TEX14: variants seen among roughly 807,000 people sequenced by gnomAD.
The protein encoded by TEX14 is inactive serine/threonine-protein kinase TEX14.
Under a neutral mutation model 178.6 loss-of-function variants are expected in TEX14, and 168 were observed. The observed-to-expected ratio is 0.94, with a 90% CI of 0.83 to 1.07. TEX14 has a LOEUF of 1.07. TEX14 is among the 50% of genes least tolerant of loss of function. The probability of loss-of-function intolerance (pLI) is 0.00; values close to 1 mark genes in which losing one functional copy is unlikely to be tolerated. For synonymous variants in TEX14, 626 were observed against 634.1 expected (o/e 0.99, Z 0.19); for missense variants, 1,730 against 1,753.6 (o/e 0.99, Z 0.24).
chr17:58,575,291 T>C (rs1268074564), intron 21 of TEX14, among the ~76,000 whole-genome samples: 2 of 152,048 alleles, frequency 1.3e-5, no homozygotes, highest in African/African-American at 2.4e-5. Context: ...ATTTTCTGTA[T>C]TTTTAGTAGA....
Position 58,557,854 on chromosome 17 carries a change from G to T in TEX14, c.4268-4C>A. 6.2e-7 allele frequency: 1 copy of T among 1,610,118 alleles called. No individual in the cohort carries two copies. The highest frequency in any genetic ancestry group is 8.5e-7 in the Non-Finnish European group (1 of 1,177,462). On this transcript the variant is annotated splice_polypyrimidine_tract_variant and splice_region_variant and intron_variant, in intron 30 of 31. Transcript: ENST00000349033. ...CAAAAACAGGATTTTAGTTCATCTTGATGAAATATAAGAGGAAGGAAAAAA... is the reference window on the plus strand; with the variant it reads ...CAAAAACAGGATTTTAGTTCATCTTTATGAAATATAAGAGGAAGGAAAAAA...
At chr17:58,677,190 G>T (rs2047409869) in intron 1 of TEX14, among the ~76,000 whole-genome samples, 1 of 152,040 alleles carries the variant, frequency 6.6e-6, no homozygotes. Flanking sequence ...GGAAGGCTGA[G>T]GCAGAAGGAC....
At chr17:58,677,319 G>A (rs1287746827) in intron 1 of TEX14, among the ~76,000 whole-genome samples, 1 of 152,084 alleles carries the variant, frequency 6.6e-6, no homozygotes, top group Non-Finnish European at 1.5e-5. Flanking sequence ...AATCCTTCCT[G>A]AGTTTGATTT....
At chr17:58,669,088 A>T (rs1056998917) in intron 1 of TEX14, among the ~76,000 whole-genome samples, 1 of 152,210 alleles carries the variant, frequency 6.6e-6, no homozygotes, top group Admixed American at 6.6e-5. Flanking sequence ...ACAGTGGCTC[A>T]TGCCTATAAT....
chr17:58,674,982 C>T (rs921622134), intron 1 of TEX14, among the ~76,000 whole-genome samples: 1 of 151,558 alleles, frequency 6.6e-6, no homozygotes, highest in Non-Finnish European at 1.5e-5. Flanking sequence ...CCCATCTCTA[C>T]AAAAAACACA....
intron 2 of TEX14, among the ~76,000 whole-genome samples, chr17:58,650,433 A>C (rs1157828365): frequency 6.6e-6 from 1 of 152,270 alleles, no homozygotes; most frequent in East Asian, 1.9e-4. Flanking sequence ...TTGAGGGGAA[A>C]AAAAAACCCA....
At chr17:58,619,448 ACACGG>A (rs1382198567) in intron 5 of TEX14, among the ~76,000 whole-genome samples, 1 of 152,166 alleles carries the variant, frequency 6.6e-6, no homozygotes, top group African/African-American at 2.4e-5. Context: ...ATCTTATCTG[ACACGG>A]CACCACTCAC....
rs1457489525 is a variant in TEX14 at position 58,622,904 on chromosome 17, C to G, written c.360G>C (p.Glu120Asp). 4 of 1,613,306 alleles carry G rather than the reference C, an allele frequency of 2.5e-6. No homozygotes were observed. Among genetic ancestry groups the G allele is most frequent in the Non-Finnish European group, 3.4e-6 (4 of 1,179,492 alleles). Residue 120 changes from glutamate to aspartate, a missense_variant, in exon 4 of 32, where the codon GAG becomes GAC. Glu to Asp is a conservative substitution (Grantham distance 45). Around this residue, in one of 2 missense-constraint regions of TEX14, gnomAD observed 789 missense variants for 681.2 expected, o/e 1.16. Coordinates refer to ENST00000349033, the MANE Select transcript of TEX14 (RefSeq NM_031272.5). ...DAGGDLRLHD[E>D]RGQNPKTWAL... ...CCCAAGTCTTCGGGTTTTGACCCCT[C>G]TCATCGTGGAGTCGCAGGTCACCTC...
intron 3 of TEX14, among the ~76,000 whole-genome samples, 179 bp from the exon 4 acceptor site, chr17:58,623,191 C>CACAA (rs2046044066): frequency 6.6e-6 from 1 of 151,944 alleles, no homozygotes; most frequent in Admixed American, 6.6e-5. Context: ...TACACACACA[C>CACAA]ACACACACAC....
At chr17:58,678,823 T>TAATAATAAC (rs1382591469) in intron 1 of TEX14, among the ~76,000 whole-genome samples, 1 of 133,518 alleles carries the variant, frequency 7.5e-6, no homozygotes, top group Non-Finnish European at 1.5e-5. Flanking sequence ...TAAAGTATAA[T>TAATAATAAC]AATAATAATA....
chr17:58,622,044 C>T (rs2046010330), intron 4 of TEX14, among the ~76,000 whole-genome samples: 1 of 152,164 alleles, frequency 6.6e-6, no homozygotes. Context: ...GGTCCAAGGC[C>T]CAACAGCTTT....
At chr17:58,631,441 C>T (rs1383514729) in intron 2 of TEX14, among the ~76,000 whole-genome samples, 1 of 152,028 alleles carries the variant, frequency 6.6e-6, no homozygotes, top group Non-Finnish European at 1.5e-5. Context: ...AGAAAAAAGC[C>T]CCAGCTCAAA....
rs781602832 is a variant in TEX14, at chr17:58,556,978, C to T, written c.*33G>A. 64 of 1,596,552 alleles carry T rather than the reference C, an allele frequency of 4.0e-5. No individual in the cohort carries two copies. In the East Asian group the frequency reaches 1.4e-3, roughly 36 times the overall value. ...AGCTTACAACCAGGACACTCAAACT[C>T]AGGCCAGGAGTCCGTCTATGATCCA... On this transcript the variant is annotated 3_prime_UTR_variant, in exon 32 of 32. Transcript: ENST00000349033.
intron 1 of TEX14, chr17:58,661,284 G>A (rs1323528430): frequency 7.4e-6 from 6 of 807,730 alleles, no homozygotes; most frequent in Admixed American, 1.7e-5. Context: ...TCGCGAGCCT[G>A]CTGCAAATGA....
intron 28 of TEX14, among the ~76,000 whole-genome samples, chr17:58,562,841 T>G (rs754559007): frequency 6.6e-6 from 1 of 150,920 alleles, no homozygotes; most frequent in Non-Finnish European, 1.5e-5. Flanking sequence ...GGAGTCCCAG[T>G]TGGGTGGATC....
intron 19 of TEX14, among the ~76,000 whole-genome samples, chr17:58,582,493 G>A (rs1313979973): frequency 2.6e-5 from 4 of 151,746 alleles, no homozygotes; most frequent in South Asian, 4.1e-4. Context: ...TCCTGACTTC[G>A]TGATCTGCCT....
At chr17:58,688,308 C>T (rs563899111) in intron 1 of TEX14, among the ~76,000 whole-genome samples, 18 of 151,998 alleles carry the variant, frequency 1.2e-4, no homozygotes, top group Non-Finnish European at 2.5e-4. Flanking sequence ...TTAGTAGAGA[C>T]GGGGTTTTAC....
At chr17:58,571,337 G>A (rs971471018) in intron 24 of TEX14, among the ~76,000 whole-genome samples, 19 of 151,266 alleles carry the variant, frequency 1.3e-4, no homozygotes, top group Admixed American at 1.3e-3. Flanking sequence ...CTGGGCTCAG[G>A]TAATCCTCCC....
At chr17:58,621,581 T>C (rs2045997659) in intron 5 of TEX14, 69 bp downstream of exon 5, 1 of 1,497,796 alleles carries the variant, frequency 6.7e-7, no homozygotes, top group African/African-American at 1.4e-5. Flanking sequence ...AGGCAACCCA[T>C]GCTGCAGGGC....
Sources: gnomAD v4.1 joint callset for allele counts (sites outside exome capture counted in the v4.1 genomes callset) on GRCh38, gnomAD v4.1.1 for gene constraint, gnomAD v4.1.1 regional missense constraint, MANE v1.5 for transcripts, NCBI Gene and HGNC (gene_info 2026-07-23, HGNC 2026-07-21) for gene names.